The following ADAMTS8 variants were observed in gnomAD, a reference collection of about 807,000 sequenced individuals.
The protein encoded by ADAMTS8 is A disintegrin and metalloproteinase with thrombospondin motifs 8.
In ADAMTS8, 50 loss-of-function variants were observed where a neutral mutation model predicts 64.4. The observed-to-expected ratio is 0.78, with a 90% CI of 0.62 to 0.98. The LOEUF (loss-of-function observed/expected upper bound fraction) is 0.98, where lower values mean the gene tolerates loss of function less well. Ranked by LOEUF, ADAMTS8 falls within the 50% of genes least tolerant of loss-of-function variation. ADAMTS8 has a pLI of 0.00. For synonymous variants in ADAMTS8, 556 were observed against 533.6 expected, an observed-to-expected ratio of 1.04 and a Z score of -0.58; for missense variants, 1,192 against 1,208.2, an observed-to-expected ratio of 0.99 and a Z score of 0.20.
chr11:130,409,482 C>T (rs935449400), intron 6 of ADAMTS8, among the ~76,000 whole-genome samples: 6 of 152,188 alleles, frequency 3.9e-5, no homozygotes, highest in African/African-American at 1.4e-4. Flanking sequence ...CCCGATGGTC[C>T]TTCCACGAAC....
intron 8 of ADAMTS8, 137 bp from the exon 9 acceptor site, chr11:130,406,265 A>G (rs1480827922): frequency 9.3e-7 from 1 of 1,075,520 alleles, no homozygotes; most frequent in Non-Finnish European, 1.3e-6. Context: ...AAGTTGCCTC[A>G]AAGTTCTCAA....
chr11:130,417,794 G>A (rs2134684841), intron 2 of ADAMTS8, among the ~76,000 whole-genome samples: 1 of 152,140 alleles, frequency 6.6e-6, no homozygotes, highest in African/African-American at 2.4e-5. Context: ...TAGTGGCCTC[G>A]CTTTATTGGT....
rs1862066810 is a variant in ADAMTS8 at position 130,419,156 on chromosome 11, C to G, written c.857G>C (p.Gly286Ala). The change falls in exon 2 of 9, where the codon GGG becomes GCG. Residue 286 changes from glycine to alanine, a missense_variant. Gly to Ala is a moderately conservative substitution (Grantham distance 60). Coordinates refer to ENST00000257359, the MANE Select transcript of ADAMTS8 (RefSeq NM_007037.6). ...EKWGPEVSDN[G>A]GLTLRNFCNW... ...GCAGAAGTTACGCAGTGTAAGCCCC[C>G]CATTGTCGGACACCTCTGGGCCCCA... is the stretch of plus-strand genomic sequence containing the variant. 2 of 1,614,048 alleles carry G rather than the reference C, an allele frequency of 1.2e-6. No homozygotes were observed. Among genetic ancestry groups the G allele is most frequent in the Non-Finnish European group, 1.7e-6 (2 of 1,180,046 alleles).
In ADAMTS8 at chr11:130,405,975, A is replaced by G. The variant is rs771076053; in HGVS notation, c.2253T>C (p.Ser751=). ...TCACCAAGATGTCCTGCTCTATGGC[A>G]GAGATGGCCAGGTTGCCGTTGAGCA... ...QYLLNGNLAI[S]AIEQDILVKG... is the part of the protein sequence containing the mutation. The change falls in exon 9 of 9, where the codon TCT becomes TCC. Residue 751 remains serine (S), a synonymous_variant. Transcript: ENST00000257359. 1.2e-6 allele frequency: 2 copies of G among 1,614,238 alleles called. No homozygotes were observed. The highest frequency in any genetic ancestry group is 2.2e-5 in the South Asian group (2 of 91,092).
rs1172264421 is a variant in ADAMTS8, at chr11:130,414,837, G to A, written c.1265-5C>T. On this transcript the variant is annotated splice_region_variant and splice_polypyrimidine_tract_variant and intron_variant, in intron 4 of 8. Transcript: ENST00000257359. ...GGGCATCCAGGAGACAGTCTCCTGG[G>A]AAAAGAGGAAGCAGGGGTGTAAGAA... 1.2e-6 allele frequency: 2 copies of A among 1,601,040 alleles called. No homozygotes were observed. Among genetic ancestry groups the A allele is most frequent in the Non-Finnish European group, 1.7e-6 (2 of 1,172,656 alleles).
chr11:130,424,687 ATTC>A (rs1452518241), intron 1 of ADAMTS8, among the ~76,000 whole-genome samples: 1 of 152,094 alleles, frequency 6.6e-6, no homozygotes, highest in Admixed American at 6.5e-5. Flanking sequence ...CTTGATTTTC[ATTC>A]TTCTCTCAGC....
At chr11:130,426,528 C>T (rs1484001539) in intron 1 of ADAMTS8, among the ~76,000 whole-genome samples, 3 of 152,188 alleles carry the variant, frequency 2.0e-5, no homozygotes, top group Admixed American at 2.0e-4. Flanking sequence ...CCTGGCACAT[C>T]TCTGGTTCTG....
At chr11:130,418,912 C>G in intron 2 of ADAMTS8, 141 bp downstream of exon 2, 10 of 1,364,014 alleles carry the variant, frequency 7.3e-6, no homozygotes, top group Non-Finnish European at 1.0e-5. Flanking sequence ...ACCTCCTCAT[C>G]ATTCTGGGCA....
rs746358421 is a variant in ADAMTS8 at position 130,405,980 on chromosome 11, T to C, written c.2248A>G (p.Ile750Val). The change falls in exon 9 of 9, where the codon ATC becomes GTC. Residue 750 changes from isoleucine to valine, a missense_variant. Physicochemically the swap from Ile to Val is conservative, Grantham distance 29. This residue lies in a region of ADAMTS8 where 290 missense variants were observed against 297.8 expected (regional missense o/e 0.97). Transcript: ENST00000257359. ...GQYLLNGNLA[I>V]SAIEQDILVK... ...AAGATGTCCTGCTCTATGGCAGAGATGGCCAGGTTGCCGTTGAGCAGGTAC... is the reference window on the plus strand; with the variant it reads ...AAGATGTCCTGCTCTATGGCAGAGACGGCCAGGTTGCCGTTGAGCAGGTAC... 1 of 1,614,202 alleles carries C rather than the reference T, an allele frequency of 6.2e-7. No individual in the cohort carries two copies. Among genetic ancestry groups the C allele is most frequent in the South Asian group, 1.1e-5 (1 of 91,088 alleles).
intron 1 of ADAMTS8, among the ~76,000 whole-genome samples, chr11:130,421,950 G>A (rs958439510): frequency 6.6e-6 from 1 of 152,248 alleles, no homozygotes; most frequent in African/African-American, 2.4e-5. Flanking sequence ...CCCCCCTGAG[G>A]AGCAGAGGCA....
In ADAMTS8 at chr11:130,416,645, C is replaced by G. The variant is rs548996891; in HGVS notation, c.1096+295G>C. On this transcript the variant is annotated intron_variant, in intron 3 of 8. Coordinates refer to ENST00000257359, the MANE Select transcript of ADAMTS8 (RefSeq NM_007037.6). The surrounding 1 kb of genome is among the most constrained non-coding windows in gnomAD (Gnocchi z 4.8). ...CCCACGGCTTAGCTTGTGCACAGCT[C>G]CACGCCTCCACCCCAGCACGTGTCT... Among the ~76,000 whole-genome samples the G allele has an allele frequency of 1.3e-5, 2 of 152,330 alleles. No individual in the cohort carries two copies. The highest frequency in any genetic ancestry group is 1.9e-4 in the East Asian group (1 of 5,182).
chr11:130,408,506 C>G lies in ADAMTS8; in HGVS notation c.2057G>C (p.Gly686Ala), dbSNP rs776605143. 43 of 1,613,934 alleles carry G rather than the reference C, an allele frequency of 2.7e-5. No individual in the cohort carries two copies. The highest frequency in any genetic ancestry group is 4.4e-5 in the South Asian group (4 of 91,066). The change falls in exon 8 of 9, where the codon GGC (glycine) becomes GCC (alanine). Residue 686 changes from glycine (G) to alanine (A), a missense_variant. Transcript: ENST00000257359. Reference sequence around the variant, plus strand: ...CCCGGAGACCTTCCTGCAGGAGTTGCCTTTGCCCCCACACACCCCGCATTT... The same window carrying G: ...CCCGGAGACCTTCCTGCAGGAGTTGGCTTTGCCCCCACACACCCCGCATTT... ...LDKCGVCGGK[G>A]NSCRKVSGSL...
At chr11:130,414,466 A>G in intron 5 of ADAMTS8, 65 bp downstream of exon 5, 1 of 1,508,618 alleles carries the variant, frequency 6.6e-7, no homozygotes, top group Non-Finnish European at 8.9e-7. Flanking sequence ...AACAGCCCTC[A>G]GTCCTCCCCA....
chr11:130,427,584 A>G lies in ADAMTS8; in HGVS notation c.703T>C (p.Tyr235His). ...AGTCCTACCTGCAGGTCGGCCCCGT[A>G]GAAGGCAGCCATGGACGCATCGGCC... ...LVADASMAAFYGADLQNHILT... is the reference protein window; with the variant it reads ...LVADASMAAFHGADLQNHILT... Residue 235 changes from tyrosine (Y) to histidine (H), a missense_variant, in exon 1 of 9, where the codon TAC becomes CAC. Physicochemically the swap from Tyr to His is moderately conservative, Grantham distance 83. This residue lies in a region of ADAMTS8 where 741 missense variants were observed against 710.6 expected (regional missense o/e 1.04). Transcript: ENST00000257359. 1 of 1,539,792 alleles carries G rather than the reference A, an allele frequency of 6.5e-7. No individual in the cohort carries two copies. Among genetic ancestry groups the G allele is most frequent in the South Asian group, 1.2e-5 (1 of 84,068 alleles).
chr11:130,425,604 T>C (rs1254858135), intron 1 of ADAMTS8, among the ~76,000 whole-genome samples: 1 of 88,532 alleles, frequency 1.1e-5, no homozygotes. Flanking sequence ...TTCTTTTTTC[T>C]TTTTTTTTTT....
intron 8 of ADAMTS8, among the ~76,000 whole-genome samples, 185 bp downstream of exon 8, chr11:130,408,279 C>A (rs1002423161): frequency 6.6e-6 from 1 of 152,204 alleles, no homozygotes. Flanking sequence ...GAAATCCTTA[C>A]AACGACTCTG....
chr11:130,427,107 C>T lies in ADAMTS8; in HGVS notation c.720+460G>A, dbSNP rs188876313. Among the ~76,000 whole-genome samples, 615 of 152,394 alleles carry T rather than the reference C, an allele frequency of 4.0e-3. 5 individuals carry two copies. Among genetic ancestry groups the T allele is most frequent in the African/African-American group, 0.014 (596 of 41,594 alleles). On this transcript the variant is annotated intron_variant, in intron 1 of 8. Transcript: ENST00000257359. ...CCAAGGGAATCAGACAGCCATCTCT[C>T]TCCATCCCATCTGCCTTTCCCTGGG...
chr11:130,410,140 C>G (rs576119069), intron 6 of ADAMTS8, among the ~76,000 whole-genome samples: 1 of 152,306 alleles, frequency 6.6e-6, no homozygotes, highest in South Asian at 2.1e-4. Flanking sequence ...CTGCTCAGTC[C>G]TAACTCCTTT....
At chr11:130,417,707 C>T (rs528100752) in intron 2 of ADAMTS8, among the ~76,000 whole-genome samples, 3 of 151,906 alleles carry the variant, frequency 2.0e-5, no homozygotes, top group East Asian at 1.9e-4. Flanking sequence ...GGACTACAGC[C>T]GCTTGCCATG....
Sources: gnomAD v4.1 joint callset for allele counts (sites outside exome capture counted in the v4.1 genomes callset) on GRCh38, gnomAD v4.1.1 for gene constraint, gnomAD v4.1.1 regional missense constraint, Gnocchi (gnomAD v3.1) non-coding constraint, MANE v1.5 for transcripts, NCBI Gene and HGNC (gene_info 2026-07-23, HGNC 2026-07-21) for gene names.